The following LITAF variants were observed in gnomAD, a reference collection of about 807,000 sequenced individuals.
LITAF encodes lipopolysaccharide induced TNF factor.
A neutral mutation model predicts 14.5 loss-of-function variants in LITAF; 9 were observed. The observed-to-expected ratio is 0.62, with a 90% CI of 0.37 to 1.08. The LOEUF is 1.08. Ranked by LOEUF, LITAF falls within the 50% of genes least tolerant of loss-of-function variation. LITAF has a pLI of 0.01. For synonymous variants in LITAF, 98 were observed against 88.2 expected, an observed-to-expected ratio of 1.11 and a Z score of -0.62; for missense variants, 206 against 213.4, an observed-to-expected ratio of 0.97 and a Z score of 0.22.
intron 1 of LITAF, among the ~76,000 whole-genome samples, chr16:11,576,542 A>G (rs2064637490): frequency 3.5e-5 from 4 of 112,904 alleles, no homozygotes; most frequent in Admixed American, 3.1e-4. Context: ...TGCAAAAAAA[A>G]AAAAAAAAAA....
At chr16:11,560,603 T>C (rs2064346441) in intron 1 of LITAF, among the ~76,000 whole-genome samples, 2 of 148,740 alleles carry the variant, frequency 1.3e-5, no homozygotes. Flanking sequence ...AAAATGTAGC[T>C]ACTAAAAAAT....
chr16:11,591,433 C>A (rs763128399), upstream of LITAF, among the ~76,000 whole-genome samples: 98 of 150,428 alleles, frequency 6.5e-4, 21 homozygotes, highest in Non-Finnish European at 8.9e-4. Context: ...AGTCCTCCCA[C>A]CTCCACCTCC....
At chr16:11,615,365 C>T (rs1413449638) in intron 3 of LITAF, among the ~76,000 whole-genome samples, 1 of 152,144 alleles carries the variant, frequency 6.6e-6, no homozygotes, top group African/African-American at 2.4e-5. Flanking sequence ...GGCGAAACCC[C>T]GTCTCTACTA....
At chr16:11,617,393 A>G (rs978187019) in intron 3 of LITAF, among the ~76,000 whole-genome samples, 1 of 149,374 alleles carries the variant, frequency 6.7e-6, no homozygotes, top group African/African-American at 2.5e-5. Flanking sequence ...AAGCAGGGGC[A>G]GTCCCAGCAA....
upstream of LITAF, among the ~76,000 whole-genome samples, chr16:11,588,457 C>A (rs1032619880): frequency 6.7e-6 from 1 of 148,540 alleles, no homozygotes; most frequent in African/African-American, 2.5e-5. Flanking sequence ...GAGCTATAAT[C>A]GAGCCACTGC....
intron 1 of LITAF, among the ~76,000 whole-genome samples, chr16:11,565,809 G>A (rs1261841233): frequency 3.3e-5 from 3 of 91,810 alleles, no homozygotes; most frequent in African/African-American, 1.4e-4. Flanking sequence ...GATGGGTCTG[G>A]CAAATTCCGC....
chr16:11,560,087 A>C (rs2064336827), intron 1 of LITAF, among the ~76,000 whole-genome samples: 1 of 152,202 alleles, frequency 6.6e-6, no homozygotes, highest in Non-Finnish European at 1.5e-5. Context: ...GCCTGAGGTC[A>C]GGAGTTTGAG....
intron 1 of LITAF, among the ~76,000 whole-genome samples, chr16:11,576,496 A>G (rs1237274451): frequency 6.7e-6 from 1 of 149,308 alleles, no homozygotes; most frequent in East Asian, 2.0e-4. Context: ...AAATAAATAA[A>G]TAAATTCCCA....
chr16:11,612,886 T>A (rs1368549708), intron 3 of LITAF, among the ~76,000 whole-genome samples: 1 of 152,168 alleles, frequency 6.6e-6, no homozygotes, highest in Non-Finnish European at 1.5e-5. Flanking sequence ...CCTGAAGACT[T>A]GTGGGAACCC....
chr16:11,624,733 A>G (rs989696459), intron 3 of LITAF, among the ~76,000 whole-genome samples: 2 of 152,342 alleles, frequency 1.3e-5, no homozygotes, highest in African/African-American at 2.4e-5. Flanking sequence ...TCGACTGAAA[A>G]TGAAAAACAT....
Position 11,549,911 on chromosome 16 carries a change from C to T in LITAF, c.378-166G>A. 3.1e-6 allele frequency: 2 copies of T among 648,948 alleles called. No homozygotes were observed. The highest frequency in any genetic ancestry group is 5.7e-6 in the Non-Finnish European group (2 of 351,876). 40.2% of individuals were successfully genotyped at this position (648,948 alleles called of 1,614,324 possible). A position where few individuals can be genotyped will look rare whatever the true frequency, so the allele number is the denominator to read the frequency against. ...GATTATCCAGGCGGACCCCTAAAAC[C>T]CAATGACCTTAGAAGAAGAGGAGAG... On this transcript the variant is annotated intron_variant, in intron 3 of 3. Coordinates refer to ENST00000622633, the MANE Select transcript of LITAF (RefSeq NM_001136472.2). The surrounding 1 kb of genome is among the most constrained non-coding windows in gnomAD (Gnocchi z 4.6).
At chr16:11,638,016 ATATATATCTATATATC>A (rs1205586244), upstream of LITAF, among the ~76,000 whole-genome samples, 27 of 103,980 alleles carry the variant, frequency 2.6e-4, 1 homozygote, top group Middle Eastern at 4.2e-3. Context: ...ATATATATCT[ATATATATCTATATATC>A]TATATATATC....
intron 3 of LITAF, among the ~76,000 whole-genome samples, chr16:11,629,896 C>A (rs1379059350): frequency 2.0e-5 from 3 of 152,202 alleles, no homozygotes; most frequent in Non-Finnish European, 2.9e-5. Flanking sequence ...AAGTGCTCAA[C>A]AAATCATGGC....
intron 3 of LITAF, among the ~76,000 whole-genome samples, chr16:11,622,546 A>G (rs1242299677): frequency 1.3e-5 from 2 of 152,188 alleles, no homozygotes; most frequent in African/African-American, 2.4e-5. Flanking sequence ...CCACCTCCCT[A>G]CACAACCCCC....
intron 3 of LITAF, among the ~76,000 whole-genome samples, chr16:11,630,548 T>C (rs2065111909): frequency 6.8e-6 from 1 of 147,334 alleles, no homozygotes; most frequent in African/African-American, 2.5e-5. Context: ...GGCAGTGCCT[T>C]CCCCTACCTG....
chr16:11,626,217 G>C (rs977800430), intron 3 of LITAF, among the ~76,000 whole-genome samples: 1 of 152,108 alleles, frequency 6.6e-6, no homozygotes, highest in Non-Finnish European at 1.5e-5. Flanking sequence ...CAGTGAGTCA[G>C]AGTCTTGCTG....
At chr16:11,588,765 C>G (rs1012543160), upstream of LITAF, among the ~76,000 whole-genome samples, 1 of 152,076 alleles carries the variant, frequency 6.6e-6, no homozygotes, top group Non-Finnish European at 1.5e-5. Context: ...TAGGGAAAAT[C>G]TCTCAGAGAT....
At chr16:11,578,423 C>T (rs1372416312) in intron 1 of LITAF, among the ~76,000 whole-genome samples, 1 of 152,076 alleles carries the variant, frequency 6.6e-6, no homozygotes, top group Non-Finnish European at 1.5e-5. Context: ...CCCAGCTACT[C>T]AGGAGGCTGA....
rs2064209504 is a variant in LITAF, at chr16:11,553,270, G to T, written c.377+263C>A. ...GCCAGCTCTACTAAAAATAAGCTGG[G>T]CGTGGTTGTGCACCCCTATAATCCC... On this transcript the variant is annotated intron_variant, in intron 3 of 3. Transcript: ENST00000622633. The surrounding 1 kb of genome is among the most constrained non-coding windows in gnomAD (Gnocchi z 7.7). 6.6e-6 allele frequency among the ~76,000 whole-genome samples: 1 copy of T among 152,086 alleles called. No homozygotes were observed. The highest frequency in any genetic ancestry group is 2.1e-4 in the South Asian group (1 of 4,828).
Sources: gnomAD v4.1 joint callset for allele counts (sites outside exome capture counted in the v4.1 genomes callset) on GRCh38, gnomAD v4.1.1 for gene constraint, Gnocchi (gnomAD v3.1) non-coding constraint, MANE v1.5 for transcripts, NCBI Gene and HGNC (gene_info 2026-07-23, HGNC 2026-07-21) for gene names.